The following EYS variants were observed in gnomAD, a reference collection of about 807,000 sequenced individuals.
The protein encoded by EYS is EGF-like photoreceptor maintenance factor, also known as protein eyes shut homolog.
Under a neutral mutation model 282.1 loss-of-function variants are expected in EYS, and 250 were observed. The ratio of observed to expected loss-of-function variants is 0.89; its 90% CI spans 0.80 to 0.98. EYS has a LOEUF of 0.98. Among genes scored for constraint, EYS ranks in the 50% least tolerant of loss-of-function variants. EYS has a pLI of 0.00. For synonymous variants in EYS, 1,355 were observed against 1,282.9 expected (o/e 1.06, Z -1.20); for missense variants, 4,016 against 3,709.0 (o/e 1.08, Z -2.15).
intron 31 of EYS, among the ~76,000 whole-genome samples, chr6:64,170,830 A>C (rs139380383): frequency 1.3e-5 from 2 of 152,186 alleles, no homozygotes; most frequent in Non-Finnish European, 2.9e-5. Flanking sequence ...AGCATTTCAC[A>C]TAGTACTTTC....
chr6:65,156,500 C>G (rs1159490396), intron 12 of EYS, among the ~76,000 whole-genome samples: 1 of 151,144 alleles, frequency 6.6e-6, no homozygotes, highest in Non-Finnish European at 1.5e-5. Flanking sequence ...TGTGCTCTCT[C>G]AGAACTATAT....
chr6:63,821,549 A>C (rs904910580), intron 36 of EYS: 1 of 152,212 alleles, frequency 6.6e-6, no homozygotes, highest in East Asian at 1.9e-4. Context: ...AGATTAATTG[A>C]CTGCAATGAA....
At chr6:65,035,542 G>A (rs9345590) in intron 13 of EYS, among the ~76,000 whole-genome samples, 112,172 of 151,916 alleles carry the variant, frequency 0.74, 42,560 homozygotes, top group East Asian at 0.99. Context: ...CACCAATGAT[G>A]TCCAAACTGA....
At chr6:65,032,282 G>A (rs182839971) in intron 13 of EYS, among the ~76,000 whole-genome samples, 3 of 152,232 alleles carry the variant, frequency 2.0e-5, no homozygotes, top group Admixed American at 6.5e-5. Flanking sequence ...ATGACCAGAT[G>A]TATTCAGAGG....
At chr6:64,835,336 G>T (rs1230515204) in intron 19 of EYS, among the ~76,000 whole-genome samples, 1 of 151,688 alleles carries the variant, frequency 6.6e-6, no homozygotes, top group African/African-American at 2.4e-5. Flanking sequence ...GATGAGGAGA[G>T]GCAATAGAGA....
chr6:64,978,963 G>T (rs757747857), intron 14 of EYS, among the ~76,000 whole-genome samples: 1 of 151,924 alleles, frequency 6.6e-6, no homozygotes, highest in African/African-American at 2.4e-5. Context: ...ATCTACTTCT[G>T]GTGAAGATGC....
chr6:64,120,231 C>CT (rs1484114531), intron 31 of EYS, among the ~76,000 whole-genome samples: 22 of 151,332 alleles, frequency 1.5e-4, no homozygotes, highest in African/African-American at 5.1e-4. Context: ...TGGCGGGCCC[C>CT]TGTAGTCCCA....
At chr6:64,759,304 T>A (rs1773084203) in intron 22 of EYS, among the ~76,000 whole-genome samples, 1 of 152,166 alleles carries the variant, frequency 6.6e-6, no homozygotes, top group South Asian at 2.1e-4. Flanking sequence ...GCTCATGGAT[T>A]TAGTGACATG....
At chr6:64,197,919 T>C (rs1765341176) in intron 31 of EYS, among the ~76,000 whole-genome samples, 1 of 151,802 alleles carries the variant, frequency 6.6e-6, no homozygotes, top group South Asian at 2.1e-4. Flanking sequence ...ATGACTTAAA[T>C]GGTAAATTTT....
At chr6:64,226,183 C>T (rs1201140106) in intron 31 of EYS, among the ~76,000 whole-genome samples, 2 of 152,120 alleles carry the variant, frequency 1.3e-5, no homozygotes, top group Non-Finnish European at 2.9e-5. Flanking sequence ...ATTCGGACTA[C>T]TCTTGTACAC....
chr6:64,304,894 C>A (rs1266148803), intron 30 of EYS, among the ~76,000 whole-genome samples: 1 of 151,980 alleles, frequency 6.6e-6, no homozygotes, highest in Non-Finnish European at 1.5e-5. Flanking sequence ...AAATTCATAG[C>A]CATTAATGCT....
chr6:65,157,907 G>A (rs146169616), intron 12 of EYS, among the ~76,000 whole-genome samples: 16 of 150,698 alleles, frequency 1.1e-4, no homozygotes, highest in Admixed American at 3.3e-4. Flanking sequence ...CATGTATAGC[G>A]TATTGTGCAT....
At chr6:64,483,080 A>AT (rs925067377) in intron 26 of EYS, among the ~76,000 whole-genome samples, 21 of 151,006 alleles carry the variant, frequency 1.4e-4, no homozygotes, top group African/African-American at 3.6e-4. Context: ...GAGAATAACA[A>AT]TTTTTTTTTC....
intron 12 of EYS, among the ~76,000 whole-genome samples, chr6:65,091,863 A>G (rs1455015852): frequency 6.6e-6 from 1 of 152,072 alleles, no homozygotes; most frequent in Non-Finnish European, 1.5e-5. Context: ...TCTGTGAAAA[A>G]TATAACTGCA....
intron 41 of EYS, among the ~76,000 whole-genome samples, chr6:63,742,910 T>C (rs1302240254): frequency 6.6e-6 from 1 of 152,242 alleles, no homozygotes; most frequent in East Asian, 1.9e-4. Context: ...TTGGCTATTA[T>C]AATAATTCTG....
At chr6:65,348,026 AT>A (rs576095433) in intron 9 of EYS, among the ~76,000 whole-genome samples, 3 of 151,518 alleles carry the variant, frequency 2.0e-5, no homozygotes, top group Non-Finnish European at 4.4e-5. Flanking sequence ...AATGACCTCT[AT>A]CTAGTTCCAT....
chr6:64,469,564 C>A (rs144264067), intron 26 of EYS, among the ~76,000 whole-genome samples: 2,481 of 152,168 alleles, frequency 0.016, 22 homozygotes, highest in South Asian at 0.035. Flanking sequence ...CTGTTATGTC[C>A]AGACAGGGCC....
intron 29 of EYS, among the ~76,000 whole-genome samples, chr6:64,320,587 AT>A (rs1282774587): frequency 6.7e-6 from 1 of 150,274 alleles, no homozygotes; most frequent in East Asian, 1.9e-4. Context: ...TTTTTCTCCT[AT>A]TTTTCTTCAG....
chr6:65,513,706 T>C (rs937037178), intron 2 of EYS, among the ~76,000 whole-genome samples: 3 of 152,012 alleles, frequency 2.0e-5, no homozygotes, highest in Admixed American at 6.6e-5. Flanking sequence ...ATTATCTCAA[T>C]AGATGCAGAA....
Sources: allele counts gnomAD v4.1 joint callset (sites outside exome capture counted in the v4.1 genomes callset), GRCh38; gene constraint gnomAD v4.1.1; transcripts MANE v1.5; gene names NCBI Gene and HGNC (gene_info 2026-07-23, HGNC 2026-07-21).